The following RORA variants were observed in gnomAD, a reference collection of about 807,000 sequenced individuals.
The protein encoded by RORA is RAR related orphan receptor A.
Under a neutral mutation model 69.5 loss-of-function variants are expected in RORA, and 7 were observed. The ratio of observed to expected loss-of-function variants is 0.10; its 90% confidence interval spans 0.06 to 0.19. The LOEUF (loss-of-function observed/expected upper bound fraction) is 0.19. RORA is among the 10% of genes least tolerant of loss of function. RORA has a pLI of 1.00. For synonymous variants in RORA, 261 were observed against 240.8 expected (o/e 1.08, Z -0.78); for missense variants, 457 against 663.0 (o/e 0.69, Z 3.41).
At chr15:61,189,856 C>CAAA (rs71125907) in intron 1 of RORA, among the ~76,000 whole-genome samples, 26,683 of 42,876 alleles carry the variant, frequency 0.62, 12,511 homozygotes, top group East Asian at 0.73. Flanking sequence ...GACTCTGTCT[C>CAAA]AAAAAAAAAA....
chr15:60,543,060 A>T (rs2066947292), intron 2 of RORA, among the ~76,000 whole-genome samples: 1 of 151,918 alleles, frequency 6.6e-6, no homozygotes, highest in Non-Finnish European at 1.5e-5. Flanking sequence ...CTTGCTGAGA[A>T]CCTGCGTGAC....
At chr15:60,585,750 AT>A (rs1012351980) in intron 2 of RORA, among the ~76,000 whole-genome samples, 58 of 152,230 alleles carry the variant, frequency 3.8e-4, no homozygotes, top group African/African-American at 1.3e-3. Flanking sequence ...TAAGTTAAAA[AT>A]TTTTTTTCCT....
chr15:60,970,814 G>T (rs1893692004), intron 1 of RORA, among the ~76,000 whole-genome samples: 1 of 151,750 alleles, frequency 6.6e-6, no homozygotes, highest in Admixed American at 6.6e-5. Context: ...CCTTTGTGTT[G>T]GTCTCAGGTA....
intron 1 of RORA, among the ~76,000 whole-genome samples, chr15:61,032,401 A>C (rs1896220859): frequency 6.6e-6 from 1 of 152,230 alleles, no homozygotes; most frequent in Non-Finnish European, 1.5e-5. Flanking sequence ...ATTTGGCTAA[A>C]CTCACAACCT....
intron 1 of RORA, among the ~76,000 whole-genome samples, chr15:60,992,304 C>T (rs928798475): frequency 5.9e-5 from 9 of 152,120 alleles, no homozygotes; most frequent in South Asian, 4.1e-4. Context: ...TGGTTAAGCA[C>T]GGAGCTATGA....
intron 2 of RORA, among the ~76,000 whole-genome samples, chr15:60,665,855 A>G (rs1283585430): frequency 1.3e-5 from 2 of 152,032 alleles, no homozygotes; most frequent in African/African-American, 4.8e-5. Flanking sequence ...TTGTATTTTT[A>G]GTAAAGACGG....
chr15:60,683,697 C>A (rs1451203834), intron 1 of RORA, among the ~76,000 whole-genome samples: 1 of 148,706 alleles, frequency 6.7e-6, no homozygotes, highest in Non-Finnish European at 1.5e-5. Context: ...TTCCAGATTT[C>A]CAGGTAATGC....
intron 1 of RORA, among the ~76,000 whole-genome samples, chr15:61,168,754 C>G (rs2079560028): frequency 6.6e-6 from 1 of 151,916 alleles, no homozygotes; most frequent in Non-Finnish European, 1.5e-5. Context: ...GTATGCTGGG[C>G]TTGAAATCAA....
intron 1 of RORA, among the ~76,000 whole-genome samples, chr15:60,903,649 T>G (rs1891452427): frequency 1.3e-5 from 2 of 152,184 alleles, no homozygotes; most frequent in South Asian, 4.1e-4. Flanking sequence ...TTTTACACCG[T>G]GCTAGCCCAA....
At chr15:60,712,918 T>A (rs2071163695) in intron 1 of RORA, among the ~76,000 whole-genome samples, 1 of 152,038 alleles carries the variant, frequency 6.6e-6, no homozygotes, top group Admixed American at 6.5e-5. Flanking sequence ...GAGCCTGACC[T>A]CTCTCTGCTC....
intron 1 of RORA, among the ~76,000 whole-genome samples, chr15:61,162,811 G>A (rs529943024): frequency 6.6e-6 from 1 of 152,302 alleles, no homozygotes; most frequent in East Asian, 1.9e-4. Flanking sequence ...TAAATGGGCT[G>A]TCTGTGACCA....
chr15:60,491,075 T>G lies in RORA; in HGVS notation c.*6380A>C, dbSNP rs1180926481. On this transcript the variant is annotated 3_prime_UTR_variant, in exon 11 of 11. Coordinates refer to ENST00000335670, the MANE Select transcript of RORA (RefSeq NM_134261.3). ...GTTTAATATGAGATTTCAAACTGTG[T>G]GGATAACAGGAGAATTTTGGATTCA... 6.6e-6 allele frequency: 1 copy of G among 152,172 alleles called. No individual in the cohort carries two copies. Among genetic ancestry groups the G allele is most frequent in the Non-Finnish European group, 1.5e-5 (1 of 68,004 alleles). The allele number at this position is 152,172 out of a possible 1,614,324, so 9.4% of individuals were successfully genotyped here. A position where few individuals can be genotyped will look rare whatever the true frequency, so the allele number is the denominator to read the frequency against.
intron 1 of RORA, among the ~76,000 whole-genome samples, chr15:61,158,483 TA>T (rs1156940109): frequency 6.6e-6 from 1 of 152,192 alleles, no homozygotes; most frequent in Non-Finnish European, 1.5e-5. Flanking sequence ...TAACCTATTT[TA>T]TGTCTAAATG....
At chr15:60,673,135 C>T (rs553079941) in intron 2 of RORA, among the ~76,000 whole-genome samples, 2 of 152,146 alleles carry the variant, frequency 1.3e-5, no homozygotes, top group African/African-American at 4.8e-5. Context: ...TACTTTTTGT[C>T]CAAATGCAAT....
intron 1 of RORA, among the ~76,000 whole-genome samples, chr15:60,698,031 T>C (rs1284641777): frequency 1.3e-5 from 2 of 152,214 alleles, no homozygotes; most frequent in Non-Finnish European, 2.9e-5. Flanking sequence ...AGCAGGATCA[T>C]GTGGGTAAGC....
At chr15:60,714,630 G>A (rs1316730972) in intron 1 of RORA, among the ~76,000 whole-genome samples, 2 of 152,144 alleles carry the variant, frequency 1.3e-5, no homozygotes, top group East Asian at 3.8e-4. Flanking sequence ...CTCCCAAAGT[G>A]CTGGGATTAC....
intron 2 of RORA, among the ~76,000 whole-genome samples, chr15:60,638,584 G>GA (rs549982066): frequency 1.5e-3 from 228 of 152,170 alleles, no homozygotes; most frequent in South Asian, 7.1e-3. Context: ...GAGGTTTTGT[G>GA]AAAATGAGAC....
At chr15:60,811,043 A>T (rs1377332264) in intron 1 of RORA, among the ~76,000 whole-genome samples, 1 of 152,092 alleles carries the variant, frequency 6.6e-6, no homozygotes, top group Non-Finnish European at 1.5e-5. Context: ...TGTGTGGGAG[A>T]CAAGTCCGAA....
chr15:60,857,773 A>C lies in RORA; in HGVS notation c.167-179087T>G, dbSNP rs558448375. On this transcript the variant is annotated intron_variant, in intron 1 of 10. Coordinates refer to ENST00000335670, the MANE Select transcript of RORA (RefSeq NM_134261.3). ...TAATTAAGCAAAATGATTAGTACCG[A>C]AGAGAAGCTGGCAACAAAGAACTTT... 4.6e-5 allele frequency among the ~76,000 whole-genome samples: 7 copies of C among 152,370 alleles called. No individual in the cohort carries two copies. The South Asian group carries it at 1.4e-3, about 32-fold the overall frequency.
Sources: gnomAD v4.1 joint callset for allele counts (sites outside exome capture counted in the v4.1 genomes callset) on GRCh38, gnomAD v4.1.1 for gene constraint, MANE v1.5 for transcripts, NCBI Gene and HGNC (gene_info 2026-07-23, HGNC 2026-07-21) for gene names.